Variants in TESK2 observed in about 807,000 individuals in gnomAD.
TESK2 encodes dual specificity testis-specific protein kinase 2.
Under a neutral mutation model 57.1 loss-of-function variants are expected in TESK2, and 39 were observed. The ratio of observed to expected loss-of-function variants is 0.68; its 90% confidence interval spans 0.53 to 0.89. TESK2 has a LOEUF of 0.89. Ranked by LOEUF, TESK2 falls within the 40% of genes least tolerant of loss-of-function variation. TESK2 has a pLI of 0.00. For synonymous variants in TESK2, 249 were observed against 267.9 expected (o/e 0.93, Z 0.69); for missense variants, 646 against 732.1 (o/e 0.88, Z 1.36).
chr1:45,433,239 C>T (rs989106457), intron 2 of TESK2, among the ~76,000 whole-genome samples: 2 of 151,570 alleles, frequency 1.3e-5, no homozygotes, highest in Admixed American at 1.3e-4. Flanking sequence ...CCATGCCCAG[C>T]TAATTTTTTT....
intron 4 of TESK2, among the ~76,000 whole-genome samples, chr1:45,375,901 G>C (rs1220481510): frequency 2.0e-5 from 3 of 152,114 alleles, no homozygotes; most frequent in Non-Finnish European, 4.4e-5. Flanking sequence ...AAGCAAGTCA[G>C]AGAAAAACTG....
At chr1:45,479,452 C>G (rs1352869587) in intron 1 of TESK2, among the ~76,000 whole-genome samples, 1 of 150,656 alleles carries the variant, frequency 6.6e-6, no homozygotes, top group Admixed American at 6.6e-5. Flanking sequence ...TTTTTGGAGA[C>G]GGAGTTTTTG....
In TESK2 at chr1:45,345,960, A is replaced by G. The variant is rs758350727; in HGVS notation, c.914T>C (p.Ile305Thr). The G allele has an allele frequency of 2.5e-6, 4 of 1,614,074 alleles. No individual in the cohort carries two copies. The highest frequency in any genetic ancestry group is 2.2e-5 in the East Asian group (1 of 44,876). The part of the protein sequence containing the change: ...DPKLRPSFVE[I>T]GKTLEEILSR... The stretch of plus-strand genomic sequence containing the variant: ...CAGAATTTCCTCCAGGGTCTTCCCA[A>G]TCTCCACAAAAGATGGGCGCAGTTT... Residue 305 changes from isoleucine to threonine, a missense_variant, in exon 10 of 11, where the codon ATT becomes ACT. Ile to Thr is a moderately conservative substitution (Grantham distance 89). Coordinates refer to ENST00000372086, the MANE Select transcript of TESK2 (RefSeq NM_007170.3).
At chr1:45,458,000 A>G in intron 1 of TESK2, 129 bp from the exon 2 acceptor site, 1 of 515,776 alleles carries the variant, frequency 1.9e-6, no homozygotes, top group Admixed American at 3.2e-5. Context: ...AAAATGTTTT[A>G]TGTCTTTACC....
chr1:45,389,009 C>T (rs905620173), intron 3 of TESK2, among the ~76,000 whole-genome samples: 8 of 151,990 alleles, frequency 5.3e-5, no homozygotes, highest in Non-Finnish European at 4.4e-5. Context: ...CGTGAGCCAC[C>T]GCGCCCGGCC....
intron 1 of TESK2, among the ~76,000 whole-genome samples, chr1:45,466,655 A>G (rs948307304): frequency 1.3e-5 from 2 of 148,810 alleles, no homozygotes; most frequent in African/African-American, 4.9e-5. Context: ...ATCTCAAATA[A>G]TAATAATAAT....
intron 1 of TESK2, among the ~76,000 whole-genome samples, chr1:45,470,831 C>A (rs1386085976): frequency 6.6e-6 from 1 of 152,164 alleles, no homozygotes; most frequent in Non-Finnish European, 1.5e-5. Context: ...AAGTGCTTTA[C>A]ATTTAATATC....
At chr1:45,380,833 A>G (rs1000076558) in intron 4 of TESK2, among the ~76,000 whole-genome samples, 15 of 152,350 alleles carry the variant, frequency 9.8e-5, no homozygotes, top group African/African-American at 3.4e-4. Context: ...GGAAGAAAGT[A>G]TCTTTTCCAA....
chr1:45,348,023 G>A, intron 5 of TESK2, 23 bp from the exon 6 acceptor site: 1 of 1,515,056 alleles, frequency 6.6e-7, no homozygotes, highest in Non-Finnish European at 9.2e-7. Context: ...GGAAGGAAGA[G>A]AAAATAATGT....
At chr1:45,397,767 G>C (rs537167776) in intron 3 of TESK2, among the ~76,000 whole-genome samples, 3 of 152,190 alleles carry the variant, frequency 2.0e-5, no homozygotes, top group South Asian at 4.2e-4. Context: ...GAGTCTCTCT[G>C]TCTGGAATCC....
At chr1:45,452,957 T>C (rs1221619983) in intron 2 of TESK2, among the ~76,000 whole-genome samples, 2 of 151,874 alleles carry the variant, frequency 1.3e-5, no homozygotes, top group East Asian at 1.9e-4. Flanking sequence ...GAGGCTGGGA[T>C]GGGAGAGTCA....
chr1:45,458,876 T>C (rs1354642795), intron 1 of TESK2, among the ~76,000 whole-genome samples: 2 of 152,192 alleles, frequency 1.3e-5, no homozygotes, highest in Non-Finnish European at 2.9e-5. Context: ...ACTTTTTCTT[T>C]TAGCCTGTCT....
In TESK2 at chr1:45,373,309, G is replaced by A. The variant is rs758701501; in HGVS notation, c.393+12603C>T. On this transcript the variant is annotated intron_variant, in intron 4 of 10. Transcript: ENST00000372086. The stretch of plus-strand genomic sequence containing the variant: ...AGATAAATGATTCAAGAATAGTAAA[G>A]AGGTAAGATGAACAGGACATGGTGA... 3.3e-5 allele frequency among the ~76,000 whole-genome samples: 5 copies of A among 152,334 alleles called. No individual in the cohort carries two copies. In the South Asian group the frequency reaches 8.3e-4, roughly 25 times the overall value.
At chr1:45,421,064 C>A (rs917120879) in intron 3 of TESK2, among the ~76,000 whole-genome samples, 7 of 152,042 alleles carry the variant, frequency 4.6e-5, no homozygotes, top group African/African-American at 1.7e-4. Context: ...TTGAGACCAG[C>A]CTGGGCAAAT....
chr1:45,399,445 G>C (rs1344545756), intron 3 of TESK2, among the ~76,000 whole-genome samples: 1 of 152,120 alleles, frequency 6.6e-6, no homozygotes, highest in African/African-American at 2.4e-5. Flanking sequence ...ATCCCGAGTA[G>C]CTGGGATTAT....
chr1:45,436,778 G>A (rs947560920), intron 2 of TESK2, among the ~76,000 whole-genome samples: 2 of 148,792 alleles, frequency 1.3e-5, no homozygotes, highest in Non-Finnish European at 3.0e-5. Context: ...ATGAGCCACT[G>A]TGCCCAGCCA....
chr1:45,369,912 C>A (rs1648106393), intron 4 of TESK2, among the ~76,000 whole-genome samples: 4 of 152,006 alleles, frequency 2.6e-5, no homozygotes, highest in Non-Finnish European at 5.9e-5. Flanking sequence ...GGGGTTTCAC[C>A]ATGTTGGCCA....
chr1:45,433,699 G>A (rs762877892), intron 2 of TESK2, among the ~76,000 whole-genome samples: 1 of 152,054 alleles, frequency 6.6e-6, no homozygotes, highest in African/African-American at 2.4e-5. Flanking sequence ...TGAATGCTTA[G>A]GTTGGTTCCA....
chr1:45,476,687 AAC>A (rs1389010395), intron 1 of TESK2, among the ~76,000 whole-genome samples: 1 of 150,912 alleles, frequency 6.6e-6, no homozygotes, highest in Non-Finnish European at 1.5e-5. Flanking sequence ...CTCTACTAAA[AAC>A]ACAAAAAATT....
Sources: gnomAD v4.1 joint callset for allele counts (sites outside exome capture counted in the v4.1 genomes callset) on GRCh38, gnomAD v4.1.1 for gene constraint, MANE v1.5 for transcripts, NCBI Gene and HGNC (gene_info 2026-07-23, HGNC 2026-07-21) for gene names.